The following USP8 variants were observed in gnomAD, a reference collection of about 807,000 sequenced individuals.
USP8 encodes the protein ubiquitin specific peptidase 8, also known as ubiquitin carboxyl-terminal hydrolase 8.
A neutral mutation model predicts 130.0 loss-of-function variants in USP8; 27 were observed. The ratio of observed to expected loss-of-function variants is 0.21; its 90% CI spans 0.15 to 0.29. The LOEUF (loss-of-function observed/expected upper bound fraction) is 0.29. Among genes scored for constraint, USP8 ranks in the 10% least tolerant of loss-of-function variants. The pLI is 1.00. For missense variants in USP8, 1,029 were observed against 1,312.2 expected (o/e 0.78, Z 3.33); for synonymous variants, 392 against 444.1 (o/e 0.88, Z 1.48).
chr15:50,466,956 G>T, intron 7 of USP8: 1 of 459,994 alleles, frequency 2.2e-6, no homozygotes, highest in Admixed American at 2.7e-5. Flanking sequence ...TTTTGGTGAC[G>T]GTTCTAAGAC....
At chr15:50,433,016 C>T (rs866708995) in intron 1 of USP8, among the ~76,000 whole-genome samples, 4 of 152,224 alleles carry the variant, frequency 2.6e-5, no homozygotes, top group African/African-American at 4.8e-5. Context: ...CCGAGGCGGG[C>T]GGATCACCTG....
chr15:50,444,639 G>C (rs982014921), intron 3 of USP8: 5 of 152,068 alleles, frequency 3.3e-5, no homozygotes, highest in East Asian at 1.9e-4. Context: ...CCCTGCAAAG[G>C]CTCAGGTAAC....
intron 14 of USP8, among the ~76,000 whole-genome samples, 185 bp from the exon 15 acceptor site, chr15:50,492,516 C>T (rs1187095464): frequency 2.6e-5 from 4 of 152,160 alleles, no homozygotes; most frequent in South Asian, 2.1e-4. Flanking sequence ...AGACCTTAGT[C>T]GTATGACTAA....
intron 8 of USP8, among the ~76,000 whole-genome samples, chr15:50,473,788 T>C (rs2051462551): frequency 6.6e-6 from 1 of 151,454 alleles, no homozygotes; most frequent in Non-Finnish European, 1.5e-5. Flanking sequence ...CGTGCACCAC[T>C]GTGTTGGGCA....
At chr15:50,494,430 G>A (rs2052294264) in intron 16 of USP8, 150 bp downstream of exon 16, 1 of 655,410 alleles carries the variant, frequency 1.5e-6, no homozygotes, top group African/African-American at 1.8e-5. Context: ...AAAACATCAG[G>A]TAAGTGTAAT....
At chr15:50,475,741 T>C (rs992535847) in intron 8 of USP8, among the ~76,000 whole-genome samples, 1 of 152,096 alleles carries the variant, frequency 6.6e-6, no homozygotes, top group African/African-American at 2.4e-5. Context: ...TAGCTGGGAT[T>C]ATAGGCGCCT....
chr15:50,491,889 C>T (rs765478310), intron 14 of USP8, among the ~76,000 whole-genome samples: 4 of 151,226 alleles, frequency 2.6e-5, no homozygotes, highest in Non-Finnish European at 5.9e-5. Context: ...TTTTTTGAGA[C>T]GGAATCTCAC....
Position 50,495,835 on chromosome 15 carries a change from A to T in USP8, c.2659-13A>T, listed in dbSNP as rs371404791. ...GAGATATTAATATAGAGCTTAAATC[A>T]TTTTATTTCCAGGCTGATAATCGGA... is the stretch of plus-strand genomic sequence containing the variant. On this transcript the variant is annotated splice_polypyrimidine_tract_variant and intron_variant, in intron 16 of 19. Coordinates refer to ENST00000307179, the MANE Select transcript of USP8 (RefSeq NM_005154.5). 1.9e-6 allele frequency: 3 copies of T among 1,593,626 alleles called. No individual in the cohort carries two copies. The highest frequency in any genetic ancestry group is 1.3e-5 in the African/African-American group (1 of 74,258).
rs529313883 is a variant in USP8 at position 50,468,677 on chromosome 15, A to T, written c.687-2956A>T. On this transcript the variant is annotated intron_variant, in intron 7 of 19. Coordinates refer to ENST00000307179, the MANE Select transcript of USP8 (RefSeq NM_005154.5). Reference sequence around the variant, plus strand: ...GTATTAAGCTCAGTACCCAATAGTTATCTTTTCTGCTCCTCTCCCTCCTCT... The same window carrying T: ...GTATTAAGCTCAGTACCCAATAGTTTTCTTTTCTGCTCCTCTCCCTCCTCT... 2.0e-5 allele frequency among the ~76,000 whole-genome samples: 3 copies of T among 152,228 alleles called. No homozygotes were observed. The South Asian group carries it at 6.2e-4, about 32-fold the overall frequency.
intron 1 of USP8, among the ~76,000 whole-genome samples, chr15:50,433,961 T>A (rs1375406530): frequency 1.3e-5 from 2 of 152,180 alleles, no homozygotes; most frequent in South Asian, 2.1e-4. Flanking sequence ...TTTGGAGCAC[T>A]GCTGTTTGAC....
At chr15:50,486,351 G>A (rs979171368) in intron 12 of USP8, among the ~76,000 whole-genome samples, 1 of 152,014 alleles carries the variant, frequency 6.6e-6, no homozygotes, top group Non-Finnish European at 1.5e-5. Flanking sequence ...GCTGGGTTTG[G>A]TGGCGCCTGC....
intron 17 of USP8, among the ~76,000 whole-genome samples, chr15:50,496,656 A>G (rs1490748342): frequency 6.6e-6 from 1 of 152,120 alleles, no homozygotes; most frequent in Non-Finnish European, 1.5e-5. Context: ...TTATAAGTTA[A>G]TTTGGAAAGT....
intron 2 of USP8, among the ~76,000 whole-genome samples, chr15:50,440,620 C>T (rs779364372): frequency 6.6e-6 from 1 of 151,922 alleles, no homozygotes; most frequent in Non-Finnish European, 1.5e-5. Flanking sequence ...CAGTGGTATC[C>T]CTGAGCTTGT....
At position 50,450,462 on chromosome 15, in the gene USP8, C is replaced by CTTTT. The variant is rs35800074; in HGVS notation, c.335+998_335+1001dup. Among the ~76,000 whole-genome samples, 309 of 80,304 alleles carry CTTTT rather than the reference C, an allele frequency of 3.8e-3. 3 individuals carry two copies. The highest frequency in any genetic ancestry group is 0.015 in the Middle Eastern group (1 of 66). The allele number at this position is 80,304 out of a possible 152,430, so 52.7% of individuals were successfully genotyped here. ...TTTCAGTTTTTAGTCGTTAGTCATTCTTTTTTTTTTTTTTTTTTTTTTTTG... is the reference window on the plus strand; with the variant it reads ...TTTCAGTTTTTAGTCGTTAGTCATTCTTTTTTTTTTTTTTTTTTTTTTTTTTTTG... On this transcript the variant is annotated intron_variant, in intron 4 of 19. Coordinates refer to ENST00000307179, the MANE Select transcript of USP8 (RefSeq NM_005154.5).
At chr15:50,488,959 C>T (rs2052062749) in intron 12 of USP8, among the ~76,000 whole-genome samples, 2 of 152,082 alleles carry the variant, frequency 1.3e-5, no homozygotes, top group South Asian at 4.1e-4. Flanking sequence ...TCAAGAGATC[C>T]TCCTGTCTTG....
At position 50,438,948 on chromosome 15, in the gene USP8, ACTG is replaced by A. The variant is rs1019053770; in HGVS notation, c.-65-58_-65-56del. On this transcript the variant is annotated intron_variant, in intron 1 of 19. Coordinates refer to ENST00000307179, the MANE Select transcript of USP8 (RefSeq NM_005154.5). ...ATGGTTTAGGAATTTTTTTTTTTAAACTGCTCACTTGTTTTATTGTGAATGAGG... is the reference window on the plus strand; with the variant it reads ...ATGGTTTAGGAATTTTTTTTTTTAAACTCACTTGTTTTATTGTGAATGAGG... 362 of 656,804 alleles carry A rather than the reference ACTG, an allele frequency of 5.5e-4. 2 individuals are homozygous for A. The East Asian group carries it at 0.011, about 20-fold the overall frequency. 40.7% of individuals were successfully genotyped at this position (656,804 alleles called of 1,614,324 possible).
chr15:50,480,599 C>T (rs2051730999), intron 10 of USP8, among the ~76,000 whole-genome samples: 5 of 151,874 alleles, frequency 3.3e-5, no homozygotes. Flanking sequence ...AGCTGATAGA[C>T]CTAAGTTGGG....
At chr15:50,476,073 C>T (rs956370466) in intron 8 of USP8, among the ~76,000 whole-genome samples, 5 of 152,006 alleles carry the variant, frequency 3.3e-5, no homozygotes, top group African/African-American at 1.2e-4. Flanking sequence ...TTCAGCATTG[C>T]TTATAATTAA....
chr15:50,452,766 C>T (rs1410151901), intron 4 of USP8, among the ~76,000 whole-genome samples: 3 of 152,154 alleles, frequency 2.0e-5, no homozygotes, highest in African/African-American at 7.2e-5. Flanking sequence ...AAACCTACCT[C>T]ATAGTGCATT....
Sources: gnomAD v4.1 joint callset for allele counts (sites outside exome capture counted in the v4.1 genomes callset) on GRCh38, gnomAD v4.1.1 for gene constraint, MANE v1.5 for transcripts, NCBI Gene and HGNC (gene_info 2026-07-23, HGNC 2026-07-21) for gene names.